NFAM1: variants seen among roughly 807,000 people sequenced by gnomAD.
The protein encoded by NFAM1 is NFAT activation molecule 1.
NFAM1 carries 17 observed loss-of-function variants against 29.0 expected under a neutral mutation model. That is an observed-to-expected ratio of 0.59 (90% CI 0.40 to 0.88). NFAM1 has a LOEUF of 0.88. Ranked by LOEUF, NFAM1 falls within the 40% of genes least tolerant of loss-of-function variation. The pLI is 0.00. For synonymous variants in NFAM1, 175 were observed against 147.2 expected (o/e 1.19, Z -1.36); for missense variants, 324 against 344.6 (o/e 0.94, Z 0.47).
At chr22:42,424,912 T>TATTA (rs1293040898) in intron 1 of NFAM1, among the ~76,000 whole-genome samples, 1 of 55,006 alleles carries the variant, frequency 1.8e-5, no homozygotes, top group East Asian at 3.2e-4. Flanking sequence ...TTTCTTTTCG[T>TATTA]ATTTATTTAT....
At chr22:42,396,218 G>C (rs368609943) in intron 4 of NFAM1, among the ~76,000 whole-genome samples, 2 of 152,134 alleles carry the variant, frequency 1.3e-5, no homozygotes, top group African/African-American at 4.8e-5. Flanking sequence ...CTGCATCCTA[G>C]AGGCTGTGAA....
rs758108176 is a variant in NFAM1, at chr22:42,385,013, G to A, written c.*148C>T. The A allele has an allele frequency of 7.4e-5, 53 of 717,358 alleles. No homozygotes were observed. The highest frequency in any genetic ancestry group is 4.2e-4 in the Admixed American group (22 of 52,642). 44.4% of individuals were successfully genotyped at this position (717,358 alleles called of 1,614,324 possible). A position where few individuals can be genotyped will look rare whatever the true frequency, so the allele number is the denominator to read the frequency against. On this transcript the variant is annotated 3_prime_UTR_variant, in exon 6 of 6. Coordinates refer to ENST00000329021, the MANE Select transcript of NFAM1 (RefSeq NM_145912.8). ...CATAGAATGGGGGGGCAGTGGGGCCGGCCAAGACAGGAAGGGCCTTGAATG... is the reference window on the plus strand; with the variant it reads ...CATAGAATGGGGGGGCAGTGGGGCCAGCCAAGACAGGAAGGGCCTTGAATG...
At chr22:42,422,461 C>G (rs1035804516) in intron 1 of NFAM1, among the ~76,000 whole-genome samples, 3 of 152,048 alleles carry the variant, frequency 2.0e-5, no homozygotes, top group African/African-American at 7.2e-5. Flanking sequence ...CAAAATTTAG[C>G]TGGGCATGGT....
At chr22:42,412,183 G>A (rs943823562) in intron 1 of NFAM1, among the ~76,000 whole-genome samples, 3 of 151,908 alleles carry the variant, frequency 2.0e-5, no homozygotes, top group Non-Finnish European at 4.4e-5. Context: ...AGTGAGCAGA[G>A]ATCATGCCAC....
intron 3 of NFAM1, among the ~76,000 whole-genome samples, chr22:42,402,350 G>A (rs572961116): frequency 2.0e-5 from 3 of 152,348 alleles, no homozygotes; most frequent in South Asian, 4.1e-4. Flanking sequence ...AGGCCCCCAC[G>A]TGGGGCTGTG....
rs1929086102 is a variant in NFAM1, at chr22:42,385,026, A to G, written c.*135T>C. On this transcript the variant is annotated 3_prime_UTR_variant, in exon 6 of 6. Transcript: ENST00000329021. ...GGCAGTGGGGCCGGCCAAGACAGGA[A>G]GGGCCTTGAATGTGAGGGTGAAATG... 2.7e-6 allele frequency: 2 copies of G among 743,106 alleles called. No homozygotes were observed. Among genetic ancestry groups the G allele is most frequent in the South Asian group, 1.5e-5 (1 of 68,070 alleles). The allele number at this position is 743,106 out of a possible 1,614,324, so 46.0% of individuals were successfully genotyped here. A position where few individuals can be genotyped will look rare whatever the true frequency, so the allele number is the denominator to read the frequency against.
intron 3 of NFAM1, among the ~76,000 whole-genome samples, chr22:42,398,382 T>TTTTTTATTATTA (rs568828000): frequency 3.2e-5 from 4 of 125,428 alleles, no homozygotes; most frequent in East Asian, 2.8e-4. Context: ...CTTGGTTTTA[T>TTTTTTATTATTA]TTATTATTAT....
chr22:42,423,112 C>CA (rs71184892), intron 1 of NFAM1, among the ~76,000 whole-genome samples: 65 of 75,678 alleles, frequency 8.6e-4, no homozygotes, highest in East Asian at 1.2e-3. Context: ...GACTCCATCT[C>CA]AAAAAAAAAA....
chr22:42,399,459 A>AG (rs1162133908), intron 3 of NFAM1, among the ~76,000 whole-genome samples: 2 of 113,572 alleles, frequency 1.8e-5, no homozygotes, highest in Non-Finnish European at 3.7e-5. Flanking sequence ...AAAAAAAAAA[A>AG]AAAAGAAAGA....
At chr22:42,435,345 TTTC>T (rs1003464989), upstream of NFAM1, among the ~76,000 whole-genome samples, 1 of 120,666 alleles carries the variant, frequency 8.3e-6, no homozygotes, top group African/African-American at 4.4e-5. Context: ...TTTTCTTTTC[TTTC>T]TTTTTTTTTT....
At chr22:42,393,764 T>C (rs1601737159) in intron 4 of NFAM1, among the ~76,000 whole-genome samples, 1 of 151,992 alleles carries the variant, frequency 6.6e-6, no homozygotes, top group Non-Finnish European at 1.5e-5. Context: ...TAATCCTTAA[T>C]GAGAGTACTC....
chr22:42,411,317 C>A, intron 2 of NFAM1, 90 bp downstream of exon 2: 1 of 1,031,910 alleles, frequency 9.7e-7, no homozygotes, highest in Non-Finnish European at 1.4e-6. Flanking sequence ...CTGCGCCTGG[C>A]CCCATTCTCT....
At chr22:42,406,985 C>T (rs1452549273) in intron 3 of NFAM1, among the ~76,000 whole-genome samples, 1 of 151,982 alleles carries the variant, frequency 6.6e-6, no homozygotes, top group African/African-American at 2.4e-5. Context: ...CTGTGTTAGC[C>T]AGGATGGTCT....
chr22:42,436,885 G>A (rs968509188), upstream of NFAM1: 6 of 454,200 alleles, frequency 1.3e-5, no homozygotes, highest in African/African-American at 1.3e-4. Context: ...AATTCACCTG[G>A]TCCTTTAATC....
chr22:42,392,390 A>G (rs1395036302), intron 4 of NFAM1, among the ~76,000 whole-genome samples: 1 of 152,098 alleles, frequency 6.6e-6, no homozygotes, highest in Non-Finnish European at 1.5e-5. Context: ...TTGGTTTAAC[A>G]ATGTGGAGTC....
chr22:42,423,877 C>A (rs1049991066), intron 1 of NFAM1, among the ~76,000 whole-genome samples: 1 of 152,130 alleles, frequency 6.6e-6, no homozygotes, highest in Admixed American at 6.5e-5. Context: ...TGTGCCACCA[C>A]ACCCAGCTAG....
At chr22:42,400,339 C>CA (rs1466001331) in intron 3 of NFAM1, among the ~76,000 whole-genome samples, 1 of 152,164 alleles carries the variant, frequency 6.6e-6, no homozygotes, top group Non-Finnish European at 1.5e-5. Context: ...GACAGGGGGC[C>CA]AGGTGCAGTG....
chr22:42,436,844 G>C (rs55905478), upstream of NFAM1: 5,086 of 260,812 alleles, frequency 0.02, 70 homozygotes, highest in Non-Finnish European at 0.025. Context: ...CCAGCTCCCG[G>C]GACCTGGCTT....
In NFAM1 at chr22:42,399,695, G is replaced by A. The variant is rs192740114; in HGVS notation, c.565-1739C>T. Among the ~76,000 whole-genome samples, 16 of 152,278 alleles carry A rather than the reference G, an allele frequency of 1.1e-4. No homozygotes were observed. The South Asian group carries it at 1.7e-3, about 16-fold the overall frequency. ...GGGAAGGTGAAGGCTGGGGAGTCAC[G>A]AGGCGGTACAGGCAGCCCTCTGGAG... On this transcript the variant is annotated intron_variant, in intron 3 of 5. Transcript: ENST00000329021.
Sources: gnomAD v4.1 joint callset for allele counts (sites outside exome capture counted in the v4.1 genomes callset) on GRCh38, gnomAD v4.1.1 for gene constraint, MANE v1.5 for transcripts, NCBI Gene and HGNC (gene_info 2026-07-23, HGNC 2026-07-21) for gene names.